The following ATG4A variants were observed in gnomAD, a reference collection of about 807,000 sequenced individuals.
ATG4A encodes cysteine protease ATG4A.
ATG4A carries 22 observed loss-of-function variants against 38.4 expected under a neutral mutation model. The observed-to-expected ratio is 0.57, with a 90% CI of 0.41 to 0.82. The LOEUF (loss-of-function observed/expected upper bound fraction) is 0.82. ATG4A is among the 40% of genes least tolerant of loss of function. The probability of loss-of-function intolerance (pLI) is 0.00; values close to 1 mark genes in which losing one functional copy is unlikely to be tolerated. For synonymous variants in ATG4A, 86 were observed against 100.7 expected, an observed-to-expected ratio of 0.85 and a Z score of 0.88; for missense variants, 220 against 290.0, an observed-to-expected ratio of 0.76 and a Z score of 1.75.
intron 9 of ATG4A, among the ~76,000 whole-genome samples, chrX:108,146,871 G>A (rs986514081): frequency 9.0e-6 from 1 of 111,306 alleles, no homozygotes; most frequent in African/African-American, 3.3e-5. Flanking sequence ...TTAACTCCCC[G>A]AGCTGCAACA....
At chrX:108,091,954 C>T in intron 1 of ATG4A, 118 bp downstream of exon 1, 1 of 1,109,409 alleles carries the variant, frequency 9.0e-7, no homozygotes, top group South Asian at 2.0e-5. Context: ...TTATGAGAGC[C>T]TAAAGGTCCT....
At chrX:108,147,275 C>T (rs754322364) in intron 9 of ATG4A, among the ~76,000 whole-genome samples, 3 of 111,299 alleles carry the variant, frequency 2.7e-5, no homozygotes, top group African/African-American at 6.5e-5. Context: ...CAGCATGGGC[C>T]GGGGAGGGGA....
intron 9 of ATG4A, among the ~76,000 whole-genome samples, chrX:108,139,276 A>C (rs1354508713): frequency 8.9e-6 from 1 of 111,804 alleles, no homozygotes; most frequent in South Asian, 3.7e-4. Flanking sequence ...TTCAGGAAAA[A>C]GATATCAATA....
At chrX:108,124,520 T>C (rs1035490532) in intron 1 of ATG4A, among the ~76,000 whole-genome samples, 9 of 109,447 alleles carry the variant, frequency 8.2e-5, no homozygotes, top group Non-Finnish European at 1.5e-4. Context: ...GGCGCGATCT[T>C]GGCTCACTGC....
intron 9 of ATG4A, 62 bp downstream of exon 9, chrX:108,138,253 T>C: frequency 9.6e-7 from 1 of 1,038,794 alleles, no homozygotes; most frequent in Non-Finnish European, 1.3e-6. Context: ...GGGACAAGGT[T>C]TGCATGGGAG....
In ATG4A at chrX:108,137,932, A is replaced by C. The variant is rs746269057; in HGVS notation, c.676A>C (p.Ile226Leu). 9.1e-6 allele frequency: 11 copies of C among 1,205,738 alleles called. No individual in the cohort carries two copies. Residue 226 changes from isoleucine (I) to leucine (L), a missense_variant, in exon 8 of 13, where the codon ATT becomes CTT. Transcript: ENST00000372232. ...CTCAGCCTGGAAACCCCTGCTGCTC[A>C]TTGTGCCCCTTCGCCTGGGCATAAA... ...YCSAWKPLLL[I>L]VPLRLGINQI...
Position 108,096,463 on chromosome X carries a change from A to G in ATG4A, c.10+4627A>G, listed in dbSNP as rs1296491012. ...CTGCATATTCAATAAATACTTCTCT[A>G]GTTGATTATGGAGGTACAGTATCCC... On this transcript the variant is annotated intron_variant, in intron 1 of 12. Transcript: ENST00000372232. Among the ~76,000 whole-genome samples the G allele has an allele frequency of 2.7e-5, 3 of 111,688 alleles. No individual in the cohort carries two copies. The Admixed American group carries it at 2.8e-4, about 11-fold the overall frequency.
At chrX:108,146,211 G>C (rs1178234145) in intron 9 of ATG4A, among the ~76,000 whole-genome samples, 1 of 111,923 alleles carries the variant, frequency 8.9e-6, no homozygotes, top group African/African-American at 3.3e-5. Flanking sequence ...TCTGGAAATT[G>C]ATTGATGGGC....
intron 9 of ATG4A, among the ~76,000 whole-genome samples, chrX:108,141,071 C>CATATATATATATATATAT (rs139918190): frequency 1.4e-4 from 5 of 35,053 alleles, no homozygotes; most frequent in Admixed American, 4.4e-4. Flanking sequence ...TATATATATA[C>CATATATATATATATATAT]ATATATATAT....
chrX:108,141,023 TATATATAC>T (rs748937610), intron 9 of ATG4A, among the ~76,000 whole-genome samples: 3,225 of 83,030 alleles, frequency 0.039, 276 homozygotes, highest in African/African-American at 0.15. Context: ...TATATACACA[TATATATAC>T]ATATATACAT....
intron 6 of ATG4A, 106 bp downstream of exon 6, chrX:108,134,517 G>A: frequency 1.4e-6 from 1 of 701,999 alleles, no homozygotes; most frequent in East Asian, 3.5e-5. Flanking sequence ...ATCCCGCTAA[G>A]CTACTCCTCC....
At chrX:108,133,970 TC>T in intron 4 of ATG4A, 86 bp from the exon 5 acceptor site, 1 of 738,979 alleles carries the variant, frequency 1.4e-6, no homozygotes, top group Non-Finnish European at 1.9e-6. Flanking sequence ...CCTTTGTTTT[TC>T]TTCTAACTTT....
In ATG4A at chrX:108,100,947, A is replaced by G. The variant is rs1187116843; in HGVS notation, c.10+9111A>G. ...AGTAGTCCCTCCTCTTCTATTTTCT[A>G]GAAGACATTGTGTAATATGAGTGTT... On this transcript the variant is annotated intron_variant, in intron 1 of 12. Transcript: ENST00000372232. 3.6e-5 allele frequency among the ~76,000 whole-genome samples: 4 copies of G among 111,422 alleles called. No individual in the cohort carries two copies. In the East Asian group the frequency reaches 1.1e-3, roughly 31 times the overall value.
chrX:108,091,592 C>G (rs1463032415), upstream of ATG4A: 1 of 1,030,248 alleles, frequency 9.7e-7, no homozygotes, highest in African/African-American at 1.8e-5. Flanking sequence ...CTACGCCAGT[C>G]AAAACAGCCG....
chrX:108,141,060 G>GTATATATATA (rs1569311688), intron 9 of ATG4A, among the ~76,000 whole-genome samples: 1 of 30,024 alleles, frequency 3.3e-5, no homozygotes, highest in Non-Finnish European at 5.7e-5. Flanking sequence ...ATATATACGT[G>GTATATATATA]TATATATATA....
At chrX:108,145,656 C>T (rs1400625518) in intron 9 of ATG4A, among the ~76,000 whole-genome samples, 1 of 112,382 alleles carries the variant, frequency 8.9e-6, no homozygotes, top group Non-Finnish European at 1.9e-5. Flanking sequence ...GCACTAATCT[C>T]TGCAATCCCT....
chrX:108,151,960 A>G, intron 11 of ATG4A, 102 bp downstream of exon 11: 5 of 732,095 alleles, frequency 6.8e-6, no homozygotes, highest in Non-Finnish European at 1.0e-5. Flanking sequence ...CTCTGATACG[A>G]CTTTACTGCA....
chrX:108,115,094 T>TATGTGTGCATGTGTGC (rs11270991), intron 1 of ATG4A, among the ~76,000 whole-genome samples: 2,426 of 106,618 alleles, frequency 0.023, 85 homozygotes, highest in African/African-American at 0.082. Flanking sequence ...ATTTGATGTG[T>TATGTGTGCATGTGTGC]ATGTGTGCAT....
At chrX:108,113,868 A>G (rs2032435664) in intron 1 of ATG4A, among the ~76,000 whole-genome samples, 1 of 111,908 alleles carries the variant, frequency 8.9e-6, no homozygotes, top group Non-Finnish European at 1.9e-5. Context: ...ATTCTGGGAG[A>G]TACAATTCAA....
Sources: gnomAD v4.1 joint callset for allele counts (sites outside exome capture counted in the v4.1 genomes callset) on GRCh38, gnomAD v4.1.1 for gene constraint, MANE v1.5 for transcripts, NCBI Gene and HGNC (gene_info 2026-07-23, HGNC 2026-07-21) for gene names.